Variants in FOXJ3 observed in about 807,000 individuals in gnomAD.
FOXJ3 encodes forkhead box J3.
A neutral mutation model predicts 76.1 loss-of-function variants in FOXJ3; 22 were observed. That is an observed-to-expected ratio of 0.29 (90% CI 0.21 to 0.41). The LOEUF is 0.41. Among genes scored for constraint, FOXJ3 ranks in the 10% least tolerant of loss-of-function variants. The pLI is 1.00. For missense variants in FOXJ3, 613 were observed against 762.1 expected (o/e 0.80, Z 2.30); for synonymous variants, 269 against 261.2 (o/e 1.03, Z -0.29).
intron 2 of FOXJ3, 83 bp downstream of exon 2, chr1:42,310,967 C>T (rs1003927988): frequency 7.2e-5 from 57 of 790,940 alleles, no homozygotes; most frequent in Admixed American, 6.4e-4. Flanking sequence ...ATCTCACCTT[C>T]AAATTCATTG....
intron 4 of FOXJ3, among the ~76,000 whole-genome samples, chr1:42,261,280 G>C (rs1222688429): frequency 1.3e-5 from 2 of 151,898 alleles, no homozygotes; most frequent in East Asian, 1.9e-4. Context: ...TTAAAAAATG[G>C]AGATAGACTG....
intron 1 of FOXJ3, among the ~76,000 whole-genome samples, chr1:42,327,085 A>G (rs1348055458): frequency 6.6e-6 from 1 of 152,230 alleles, no homozygotes; most frequent in Non-Finnish European, 1.5e-5. Context: ...CAGATAAAAC[A>G]CTTTTGAAAA....
chr1:42,280,488 C>T lies in FOXJ3; in HGVS notation c.45-1816G>A, dbSNP rs1464318367. On this transcript the variant is annotated intron_variant, in intron 2 of 12. Transcript: ENST00000361346. Reference sequence around the variant, plus strand: ...AAAACTTACTATCCTACTCTACAATCTCAACCAGAAATGCCTGTTCCCAGC... The same window carrying T: ...AAAACTTACTATCCTACTCTACAATTTCAACCAGAAATGCCTGTTCCCAGC... 3 of 899,962 alleles carry T rather than the reference C, an allele frequency of 3.3e-6. No homozygotes were observed. In the African/African-American group the frequency reaches 5.9e-5, roughly 18 times the overall value. The allele number at this position is 899,962 out of a possible 1,614,324, so 55.7% of individuals were successfully genotyped here. A position where few individuals can be genotyped will look rare whatever the true frequency, so the allele number is the denominator to read the frequency against.
intron 4 of FOXJ3, among the ~76,000 whole-genome samples, chr1:42,252,053 T>C (rs1218515786): frequency 6.6e-6 from 1 of 152,190 alleles, no homozygotes; most frequent in East Asian, 1.9e-4. Flanking sequence ...TTTGCATCAA[T>C]GTTCATCAAG....
chr1:42,304,583 G>A (rs1654348483), intron 2 of FOXJ3, among the ~76,000 whole-genome samples: 1 of 152,098 alleles, frequency 6.6e-6, no homozygotes, highest in Non-Finnish European at 1.5e-5. Flanking sequence ...AGAGAACCCA[G>A]AAACAAATAT....
At chr1:42,243,397 A>G (rs1649303049) in intron 4 of FOXJ3, among the ~76,000 whole-genome samples, 1 of 152,226 alleles carries the variant, frequency 6.6e-6, no homozygotes, top group Non-Finnish European at 1.5e-5. Flanking sequence ...GAATGACAGA[A>G]ATAAATCCTC....
At chr1:42,198,332 T>C (rs956307716) in intron 7 of FOXJ3, among the ~76,000 whole-genome samples, 3 of 152,238 alleles carry the variant, frequency 2.0e-5, no homozygotes, top group Non-Finnish European at 4.4e-5. Context: ...GCTACGTTTT[T>C]CTTTCCCGTG....
chr1:42,192,727 T>TA (rs1405072277), intron 8 of FOXJ3, among the ~76,000 whole-genome samples: 1 of 151,870 alleles, frequency 6.6e-6, no homozygotes, highest in Non-Finnish European at 1.5e-5. Context: ...CATGCAATGT[T>TA]ATGCTGAACC....
At chr1:42,188,977 T>C (rs756093333) in intron 10 of FOXJ3, 49 bp from the exon 11 acceptor site, 9 of 1,223,536 alleles carry the variant, frequency 7.4e-6, no homozygotes, top group Non-Finnish European at 9.0e-6. Context: ...GCAATAAACA[T>C]TGCAAGGAAA....
chr1:42,201,949 T>C (rs1451205288), intron 6 of FOXJ3, among the ~76,000 whole-genome samples: 3 of 152,302 alleles, frequency 2.0e-5, no homozygotes, highest in African/African-American at 7.2e-5. Context: ...AGTCATTTTT[T>C]ATGATTTTGT....
chr1:42,335,340 C>G (rs1255525935), upstream of FOXJ3: 2 of 152,178 alleles, frequency 1.3e-5, no homozygotes, highest in Non-Finnish European at 2.9e-5. Flanking sequence ...CGGTCACGGT[C>G]GCTTCGACGC....
chr1:42,229,588 T>C (rs953949028), intron 4 of FOXJ3, among the ~76,000 whole-genome samples: 12 of 152,174 alleles, frequency 7.9e-5, no homozygotes, highest in Non-Finnish European at 2.9e-5. Flanking sequence ...TGCTGGGGTA[T>C]TTCTATGTTA....
At chr1:42,325,890 T>C (rs1655801453) in intron 1 of FOXJ3, among the ~76,000 whole-genome samples, 1 of 152,190 alleles carries the variant, frequency 6.6e-6, no homozygotes, top group South Asian at 2.1e-4. Flanking sequence ...CAATAATTTA[T>C]CAAACTGATT....
At chr1:42,195,165 C>T (rs780152381) in intron 7 of FOXJ3, 101 bp from the exon 8 acceptor site, 4 of 873,578 alleles carry the variant, frequency 4.6e-6, no homozygotes, top group Middle Eastern at 2.4e-4. Context: ...CATTGGAATT[C>T]AAAGAAAATA....
chr1:42,192,752 T>C (rs952166317), intron 8 of FOXJ3, among the ~76,000 whole-genome samples: 1 of 151,446 alleles, frequency 6.6e-6, no homozygotes, highest in African/African-American at 2.4e-5. Flanking sequence ...ATAAAAATAA[T>C]TTTATTGAAT....
intron 3 of FOXJ3, among the ~76,000 whole-genome samples, chr1:42,267,252 CAG>C (rs1481143474): frequency 6.6e-6 from 1 of 151,980 alleles, no homozygotes; most frequent in East Asian, 1.9e-4. Flanking sequence ...AGTCTACTGA[CAG>C]AGAAGGGACG....
At chr1:42,217,849 C>G (rs377742999) in intron 5 of FOXJ3, among the ~76,000 whole-genome samples, 2 of 152,118 alleles carry the variant, frequency 1.3e-5, no homozygotes, top group Non-Finnish European at 2.9e-5. Context: ...ACTTTAAATA[C>G]GCAGTTAACT....
chr1:42,241,256 G>C (rs1239918993), intron 4 of FOXJ3, among the ~76,000 whole-genome samples: 1 of 152,170 alleles, frequency 6.6e-6, no homozygotes, highest in Non-Finnish European at 1.5e-5. Flanking sequence ...TGAAGCCTAA[G>C]AACTGCCTGC....
intron 1 of FOXJ3, among the ~76,000 whole-genome samples, chr1:42,317,882 TAAATAG>T (rs750144420): frequency 5.3e-5 from 8 of 152,214 alleles, no homozygotes; most frequent in East Asian, 1.9e-4. Flanking sequence ...TTATTCTTCA[TAAATAG>T]AAATAGAAAA....
Sources: allele counts gnomAD v4.1 joint callset (sites outside exome capture counted in the v4.1 genomes callset), GRCh38; gene constraint gnomAD v4.1.1; transcripts MANE v1.5; gene names NCBI Gene and HGNC (gene_info 2026-07-23, HGNC 2026-07-21).